PHACTR1: variants seen among roughly 807,000 people sequenced by gnomAD.
PHACTR1 encodes the protein RPEL repeat containing 1.
A neutral mutation model predicts 69.2 loss-of-function variants in PHACTR1; 16 were observed. That is an observed-to-expected ratio of 0.23 (90% CI 0.16 to 0.35). The LOEUF (loss-of-function observed/expected upper bound fraction) is 0.35. PHACTR1 is among the 10% of genes least tolerant of loss of function. PHACTR1 has a pLI of 1.00. For synonymous variants in PHACTR1, 312 were observed against 284.5 expected, an observed-to-expected ratio of 1.10 and a Z score of -0.97; for missense variants, 510 against 734.7, an observed-to-expected ratio of 0.69 and a Z score of 3.54.
At chr6:13,233,842 G>C (rs1771594849) in intron 10 of PHACTR1, among the ~76,000 whole-genome samples, 2 of 152,220 alleles carry the variant, frequency 1.3e-5, no homozygotes. Flanking sequence ...GAGATGGCCT[G>C]CATCCTTCCT....
At chr6:12,745,186 C>A (rs1401936385) in intron 3 of PHACTR1, among the ~76,000 whole-genome samples, 1 of 152,132 alleles carries the variant, frequency 6.6e-6, no homozygotes. Context: ...CCTTCTTTCT[C>A]CCTCCGCTTC....
chr6:13,051,929 A>C (rs1454564677), intron 4 of PHACTR1, among the ~76,000 whole-genome samples: 1 of 152,172 alleles, frequency 6.6e-6, no homozygotes, highest in African/African-American at 2.4e-5. Flanking sequence ...GCACTGAACC[A>C]GGTAGTAAAG....
intron 10 of PHACTR1, among the ~76,000 whole-genome samples, chr6:13,238,379 T>A (rs1039409490): frequency 2.0e-5 from 3 of 152,214 alleles, no homozygotes; most frequent in Non-Finnish European, 4.4e-5. Flanking sequence ...GATAGTGAGA[T>A]AATAGTCTGA....
intron 4 of PHACTR1, among the ~76,000 whole-genome samples, chr6:12,770,847 C>A (rs1488898702): frequency 6.6e-6 from 1 of 152,110 alleles, no homozygotes. Flanking sequence ...CCTGGGGACC[C>A]AGTGTGGCTT....
At chr6:12,949,453 C>T (rs909205801) in intron 4 of PHACTR1, among the ~76,000 whole-genome samples, 4 of 152,010 alleles carry the variant, frequency 2.6e-5, no homozygotes, top group Non-Finnish European at 4.4e-5. Flanking sequence ...CATAAGTGCT[C>T]ATTGGGAGGG....
intron 10 of PHACTR1, among the ~76,000 whole-genome samples, chr6:13,256,096 T>C (rs1775159178): frequency 6.6e-6 from 1 of 152,218 alleles, no homozygotes; most frequent in South Asian, 2.1e-4. Context: ...TCAACTCTTG[T>C]ACTCTGAACA....
chr6:13,278,459 C>T, intron 12 of PHACTR1, 130 bp downstream of exon 12: 1 of 748,344 alleles, frequency 1.3e-6, no homozygotes, highest in South Asian at 1.8e-5. Flanking sequence ...GAGTGCCACT[C>T]TCTTACTCTA....
At chr6:13,047,250 C>T (rs945779415) in intron 4 of PHACTR1, among the ~76,000 whole-genome samples, 1 of 151,824 alleles carries the variant, frequency 6.6e-6, no homozygotes, top group Non-Finnish European at 1.5e-5. Context: ...TGGTAGTGCA[C>T]GCCTGTTGTC....
chr6:12,998,538 C>A (rs548280667), intron 4 of PHACTR1, among the ~76,000 whole-genome samples: 2 of 151,732 alleles, frequency 1.3e-5, no homozygotes, highest in Admixed American at 1.3e-4. Context: ...GTTGTCTGAA[C>A]CCTGGAGTTC....
intron 4 of PHACTR1, among the ~76,000 whole-genome samples, chr6:13,026,899 TC>T (rs1393324811): frequency 6.6e-6 from 1 of 151,580 alleles, no homozygotes; most frequent in Non-Finnish European, 1.5e-5. Flanking sequence ...TGATGGCCAG[TC>T]CCCTGTCAAA....
At chr6:13,174,189 T>G (rs1003998182) in intron 6 of PHACTR1, among the ~76,000 whole-genome samples, 7 of 152,250 alleles carry the variant, frequency 4.6e-5, no homozygotes, top group African/African-American at 1.7e-4. Flanking sequence ...ACAAAGGGCA[T>G]GTCTGGGAAG....
chr6:12,723,205 C>G (rs536137725), intron 3 of PHACTR1, among the ~76,000 whole-genome samples: 54 of 152,236 alleles, frequency 3.5e-4, no homozygotes, highest in African/African-American at 1.3e-3. Flanking sequence ...ATTTTTTCAA[C>G]TAGCCCATGG....
chr6:12,757,966 G>A (rs1388115639), intron 4 of PHACTR1, among the ~76,000 whole-genome samples: 1 of 152,100 alleles, frequency 6.6e-6, no homozygotes, highest in Non-Finnish European at 1.5e-5. Context: ...CAAAAAATCA[G>A]TCTGACGTGG....
chr6:12,752,131 C>T (rs972506824), intron 4 of PHACTR1, among the ~76,000 whole-genome samples: 1 of 152,210 alleles, frequency 6.6e-6, no homozygotes, highest in African/African-American at 2.4e-5. Flanking sequence ...ACTGCTCACT[C>T]CTGGGGCTTG....
chr6:12,898,049 T>C (rs1236469294), intron 4 of PHACTR1, among the ~76,000 whole-genome samples: 1 of 152,202 alleles, frequency 6.6e-6, no homozygotes, highest in Admixed American at 6.5e-5. Flanking sequence ...TGAACTGATA[T>C]CTTTATTCTA....
intron 4 of PHACTR1, among the ~76,000 whole-genome samples, chr6:13,011,999 T>C (rs1358054489): frequency 6.6e-6 from 1 of 152,198 alleles, no homozygotes; most frequent in Non-Finnish European, 1.5e-5. Flanking sequence ...CACCTGTGGT[T>C]GGCCTGGCTG....
chr6:13,270,704 G>A (rs1213485931), intron 10 of PHACTR1, among the ~76,000 whole-genome samples: 6 of 152,126 alleles, frequency 3.9e-5, no homozygotes, highest in Non-Finnish European at 8.8e-5. Context: ...CAGTTTCAGG[G>A]TGCTATAGGC....
chr6:13,057,156 CAAAG>C (rs1374857200), intron 5 of PHACTR1, among the ~76,000 whole-genome samples: 2 of 152,172 alleles, frequency 1.3e-5, no homozygotes, highest in South Asian at 4.1e-4. Context: ...AATGTTCCAA[CAAAG>C]AAAAGATAAC....
At chr6:12,917,065 A>T (rs1582468924) in intron 4 of PHACTR1, among the ~76,000 whole-genome samples, 1 of 152,356 alleles carries the variant, frequency 6.6e-6, no homozygotes, top group African/African-American at 2.4e-5. Flanking sequence ...AGCTGTGATT[A>T]TAACTGTGGC....
Sources: allele counts gnomAD v4.1 joint callset (sites outside exome capture counted in the v4.1 genomes callset), GRCh38; gene constraint gnomAD v4.1.1; transcripts MANE v1.5; gene names NCBI Gene and HGNC (gene_info 2026-07-23, HGNC 2026-07-21).